The following SHCBP1 variants were observed in gnomAD, a reference collection of about 807,000 sequenced individuals.
SHCBP1 encodes SHC binding and spindle associated 1, also known as SHC SH2 domain-binding protein 1.
In SHCBP1, 60 loss-of-function variants were observed where a neutral mutation model predicts 75.1. The observed-to-expected ratio is 0.80, with a 90% CI of 0.65 to 0.99. The LOEUF (loss-of-function observed/expected upper bound fraction) is 0.99, where lower values mean the gene tolerates loss of function less well. SHCBP1 is among the 50% of genes least tolerant of loss of function. SHCBP1 has a pLI of 0.00. For synonymous variants in SHCBP1, 290 were observed against 293.2 expected, an observed-to-expected ratio of 0.99 and a Z score of 0.11; for missense variants, 709 against 809.4, an observed-to-expected ratio of 0.88 and a Z score of 1.50.
chr16:46,605,307 G>T (rs1965308620), intron 5 of SHCBP1, among the ~76,000 whole-genome samples: 1 of 152,140 alleles, frequency 6.6e-6, no homozygotes, highest in Admixed American at 6.5e-5. Context: ...AAGTAAAATA[G>T]GCCAGGCACA....
intron 6 of SHCBP1, 36 bp from the exon 7 acceptor site, chr16:46,604,179 C>T (rs775424035): frequency 4.3e-6 from 7 of 1,612,772 alleles, no homozygotes; most frequent in African/African-American, 2.7e-5. Flanking sequence ...AGTAAGACAG[C>T]AAGTAAGAAA....
rs1008703403 is a variant in SHCBP1 at position 46,621,284 on chromosome 16, C to T, written c.76G>A (p.Glu26Lys). Residue 26 changes from glutamate to lysine, a missense_variant, in exon 1 of 13, where the codon GAG becomes AAG. Glu to Lys is a moderately conservative substitution (Grantham distance 56). Coordinates refer to ENST00000303383, the MANE Select transcript of SHCBP1 (RefSeq NM_024745.5). ...TTCTCCAGAGACGCCAGCTCCTGCT[C>T]CACCGCCCAGCCCATGCGCTCCGGC... Reference protein sequence around the residue: ...MAPERMGWAVEQELASLEKGL... With the variant: ...MAPERMGWAVKQELASLEKGL... The T allele has an allele frequency of 1.2e-6, 2 of 1,610,454 alleles. No homozygotes were observed. Among genetic ancestry groups the T allele is most frequent in the Non-Finnish European group, 1.7e-6 (2 of 1,178,962 alleles).
intron 4 of SHCBP1, among the ~76,000 whole-genome samples, chr16:46,614,983 G>A (rs542872493): frequency 6.6e-6 from 1 of 152,270 alleles, no homozygotes; most frequent in African/African-American, 2.4e-5. Flanking sequence ...GAGTGTGCCA[G>A]CATCTCCTGC....
intron 10 of SHCBP1, among the ~76,000 whole-genome samples, chr16:46,593,454 G>A (rs1266635735): frequency 6.6e-6 from 1 of 152,140 alleles, no homozygotes; most frequent in East Asian, 1.9e-4. Flanking sequence ...GATTTGGCTG[G>A]GTGTGGGGGC....
chr16:46,620,891 T>C (rs962390689), intron 1 of SHCBP1: 2 of 192,468 alleles, frequency 1.0e-5, no homozygotes, highest in African/African-American at 4.6e-5. Flanking sequence ...GAAGTGTGGT[T>C]CGTGATCTCC....
chr16:46,583,356 G>A (rs990581182), intron 12 of SHCBP1, among the ~76,000 whole-genome samples, 160 bp downstream of exon 12: 1 of 152,218 alleles, frequency 6.6e-6, no homozygotes, highest in Non-Finnish European at 1.5e-5. Context: ...TTCACAGTCT[G>A]TAATGTTATG....
intron 10 of SHCBP1, among the ~76,000 whole-genome samples, chr16:46,586,288 G>A (rs1471432116): frequency 6.6e-6 from 1 of 152,034 alleles, no homozygotes; most frequent in Non-Finnish European, 1.5e-5. Flanking sequence ...AGAACCAAAT[G>A]GAAATTTTAG....
At chr16:46,611,290 T>C (rs1567452814) in intron 4 of SHCBP1, among the ~76,000 whole-genome samples, 1 of 152,202 alleles carries the variant, frequency 6.6e-6, no homozygotes, top group Non-Finnish European at 1.5e-5. Flanking sequence ...TGAATACAAA[T>C]TACTGTCAAA....
rs966429363 is a variant in SHCBP1, at chr16:46,608,362, A to G, written c.624T>C (p.Ser208=). 3.7e-6 allele frequency: 6 copies of G among 1,613,404 alleles called. No homozygotes were observed. The African/African-American group carries it at 5.3e-5, about 14-fold the overall frequency. ...VRFFYQNIWR[S]WDEEEEDEYD... is the part of the protein sequence containing the mutation. ...ATTCATCCTCCTCTTCTTCATCCCA[A>G]CTCCTCCAAATGTTTTGGTAGAAAA... The change falls in exon 5 of 13, where the codon AGT becomes AGC. Residue 208 remains serine, a synonymous_variant. Coordinates refer to ENST00000303383, the MANE Select transcript of SHCBP1 (RefSeq NM_024745.5).
At chr16:46,589,309 G>T (rs1480357720) in intron 10 of SHCBP1, among the ~76,000 whole-genome samples, 1 of 152,162 alleles carries the variant, frequency 6.6e-6, no homozygotes, top group Non-Finnish European at 1.5e-5. Context: ...ACATAGTGTT[G>T]GAAGTTCTGG....
intron 10 of SHCBP1, among the ~76,000 whole-genome samples, chr16:46,587,136 C>G (rs920632573): frequency 6.6e-6 from 1 of 151,962 alleles, no homozygotes; most frequent in Non-Finnish European, 1.5e-5. Flanking sequence ...TCTAGATGTA[C>G]GTACATAAGG....
At chr16:46,595,210 C>T (rs188875998) in intron 10 of SHCBP1, among the ~76,000 whole-genome samples, 83 of 152,230 alleles carry the variant, frequency 5.5e-4, no homozygotes, top group African/African-American at 1.9e-3. Context: ...TGTTGCACGA[C>T]AGTTTCACAA....
chr16:46,591,013 T>C (rs1440987691), intron 10 of SHCBP1, among the ~76,000 whole-genome samples: 4 of 152,222 alleles, frequency 2.6e-5, no homozygotes, highest in Non-Finnish European at 4.4e-5. Context: ...TCACGTCCTT[T>C]GTAGGGACAT....
chr16:46,593,090 C>A (rs916538629), intron 10 of SHCBP1, among the ~76,000 whole-genome samples: 2 of 150,196 alleles, frequency 1.3e-5, no homozygotes, highest in Non-Finnish European at 1.5e-5. Context: ...AGGATGTCTG[C>A]TTTCATAGTG....
intron 1 of SHCBP1, chr16:46,620,602 T>C (rs192316910): frequency 1.3e-5 from 2 of 152,336 alleles, no homozygotes; most frequent in East Asian, 3.9e-4. Flanking sequence ...AATAGTGGAA[T>C]TGTCACACTT....
intron 10 of SHCBP1, among the ~76,000 whole-genome samples, chr16:46,594,973 G>A (rs1965112482): frequency 6.6e-6 from 1 of 152,188 alleles, no homozygotes. Flanking sequence ...CACACTAAGT[G>A]AGAAAAGCCA....
At chr16:46,590,062 A>G (rs1965018742) in intron 10 of SHCBP1, among the ~76,000 whole-genome samples, 1 of 152,192 alleles carries the variant, frequency 6.6e-6, no homozygotes, top group South Asian at 2.1e-4. Flanking sequence ...AAAAACAAGA[A>G]ATGGGGAAAG....
rs1173140129 is a variant in SHCBP1 at position 46,581,337 on chromosome 16, TAAG to T, written c.*389_*391del. 1 of 164,006 alleles carries T rather than the reference TAAG, an allele frequency of 6.1e-6. No homozygotes were observed. The highest frequency in any genetic ancestry group is 1.3e-5 in the Non-Finnish European group (1 of 75,858). The allele number at this position is 164,006 out of a possible 1,614,324, so 10.2% of individuals were successfully genotyped here. On this transcript the variant is annotated 3_prime_UTR_variant, in exon 13 of 13. Coordinates refer to ENST00000303383, the MANE Select transcript of SHCBP1 (RefSeq NM_024745.5). ...TGTAATTGGGATGAAAAGGCAACTC[TAAG>T]AAGAATGCTGTACATATGACACCTA...
intron 5 of SHCBP1, 60 bp from the exon 6 acceptor site, chr16:46,604,521 A>G: frequency 1.7e-6 from 2 of 1,211,604 alleles, no homozygotes; most frequent in Non-Finnish European, 2.4e-6. Flanking sequence ...CCTATCATTA[A>G]AACAGCCCAC....
Sources: allele counts gnomAD v4.1 joint callset (sites outside exome capture counted in the v4.1 genomes callset), GRCh38; gene constraint gnomAD v4.1.1; transcripts MANE v1.5; gene names NCBI Gene and HGNC (gene_info 2026-07-23, HGNC 2026-07-21).